STT3B: variants seen among roughly 807,000 people sequenced by gnomAD.
STT3B encodes STT3 oligosaccharyltransferase complex catalytic subunit B, also known as dolichyl-diphosphooligosaccharide--protein glycosyltransferase subunit STT3B.
Under a neutral mutation model 96.8 loss-of-function variants are expected in STT3B, and 29 were observed. The ratio of observed to expected loss-of-function variants is 0.30; its 90% confidence interval spans 0.22 to 0.41. The LOEUF is 0.41. STT3B is among the 10% of genes least tolerant of loss of function. The pLI is 1.00. For synonymous variants in STT3B, 367 were observed against 360.0 expected (o/e 1.02, Z -0.22); for missense variants, 640 against 1,022.3 (o/e 0.63, Z 5.10).
chr3:31,625,139 C>A, intron 12 of STT3B, 54 bp downstream of exon 12: 1 of 1,516,978 alleles, frequency 6.6e-7, no homozygotes, highest in South Asian at 1.2e-5. Flanking sequence ...CCTTAGCAAT[C>A]AGGCTTCACT....
At chr3:31,635,094 CTG>C (rs1249996923) in intron 15 of STT3B, among the ~76,000 whole-genome samples, 1 of 152,154 alleles carries the variant, frequency 6.6e-6, no homozygotes, top group Non-Finnish European at 1.5e-5. Flanking sequence ...TCTGAAACCT[CTG>C]AGAGTTGTAT....
intron 5 of STT3B, among the ~76,000 whole-genome samples, chr3:31,606,663 T>G (rs1243262844): frequency 6.6e-6 from 1 of 152,034 alleles, no homozygotes; most frequent in African/African-American, 2.4e-5. Flanking sequence ...GCTGGAGAGG[T>G]GGGGCCCTCA....
In STT3B at chr3:31,600,462, A is replaced by G. The variant is rs1288625585; in HGVS notation, c.877+3A>G. On this transcript the variant is annotated splice_donor_region_variant and intron_variant, in intron 5 of 15. Transcript: ENST00000295770. ...ATACAGCAAAAGAGTCTACATAGGT[A>G]AGTAATTTGATTTTTGACATCTGTC... is the stretch of plus-strand genomic sequence containing the variant. The G allele has an allele frequency of 7.1e-7, 1 of 1,416,710 alleles. No individual in the cohort carries two copies. Among genetic ancestry groups the G allele is most frequent in the Non-Finnish European group, 9.9e-7 (1 of 1,012,730 alleles). The allele number at this position is 1,416,710 out of a possible 1,614,324, so 87.8% of individuals were successfully genotyped here. A position where few individuals can be genotyped will look rare whatever the true frequency, so the allele number is the denominator to read the frequency against.
chr3:31,629,382 A>T lies in STT3B; in HGVS notation c.2158A>T (p.Met720Leu). 2 of 1,602,218 alleles carry T rather than the reference A, an allele frequency of 1.2e-6. No homozygotes were observed. The highest frequency in any genetic ancestry group is 1.7e-6 in the Non-Finnish European group (2 of 1,171,728). Reference sequence around the variant, plus strand: ...TTTGTTGAATTGCCTTATGTATAAAATGTCATACTACAGATTTGGAGAAAT... The same window carrying T: ...TTTGTTGAATTGCCTTATGTATAAATTGTCATACTACAGATTTGGAGAAAT... ...PTLLNCLMYK[M>L]SYYRFGEMQL... is the part of the protein sequence containing the mutation. The change falls in exon 14 of 16, where the codon ATG becomes TTG. Residue 720 changes from methionine (M) to leucine (L), a missense_variant. Coordinates refer to ENST00000295770, the MANE Select transcript of STT3B (RefSeq NM_178862.3).
chr3:31,533,341 C>T (rs982176276), intron 1 of STT3B, 29 bp downstream of exon 1: 4 of 1,481,488 alleles, frequency 2.7e-6, no homozygotes, highest in Non-Finnish European at 2.7e-6. Flanking sequence ...CTCCCCCGCC[C>T]GTGGCCCGCG....
intron 1 of STT3B, among the ~76,000 whole-genome samples, chr3:31,547,309 A>G (rs534653139): frequency 6.6e-6 from 1 of 152,216 alleles, no homozygotes; most frequent in Non-Finnish European, 1.5e-5. Flanking sequence ...CAAAATTATA[A>G]TAGAAGCCAG....
intron 1 of STT3B, among the ~76,000 whole-genome samples, chr3:31,546,148 G>C (rs1575406690): frequency 6.6e-6 from 1 of 152,260 alleles, no homozygotes; most frequent in East Asian, 1.9e-4. Flanking sequence ...CTGGGAGTGG[G>C]ATTTTGTCAA....
At chr3:31,553,456 A>G (rs1697620701) in intron 1 of STT3B, among the ~76,000 whole-genome samples, 1 of 152,264 alleles carries the variant, frequency 6.6e-6, no homozygotes, top group South Asian at 2.1e-4. Flanking sequence ...AACTGTTGGT[A>G]TATGAATATA....
At chr3:31,591,509 T>A (rs143183479) in intron 3 of STT3B, among the ~76,000 whole-genome samples, 154 of 152,254 alleles carry the variant, frequency 1.0e-3, no homozygotes, top group African/African-American at 3.6e-3. Context: ...TTAATTCCCC[T>A]GATTGTTTAG....
rs1479020326 is a variant in STT3B, at chr3:31,631,461, G to A, written c.2188-1474G>A. 1.3e-5 allele frequency among the ~76,000 whole-genome samples: 2 copies of A among 152,158 alleles called. 1 individual carries two copies. Among genetic ancestry groups the A allele is most frequent in the African/African-American group, 4.8e-5 (2 of 41,440 alleles). Reference sequence around the variant, plus strand: ...CTGCTCACTACTGATCACGTTGAAGGACCTTTTTCTTCCTCTCTTTTAAGT... The same window carrying A: ...CTGCTCACTACTGATCACGTTGAAGAACCTTTTTCTTCCTCTCTTTTAAGT... On this transcript the variant is annotated intron_variant, in intron 14 of 15. Transcript: ENST00000295770.
intron 1 of STT3B, 178 bp downstream of exon 1, chr3:31,533,490 T>C (rs1479363030): frequency 2.6e-6 from 2 of 763,892 alleles, no homozygotes; most frequent in Non-Finnish European, 3.5e-6. Flanking sequence ...GTGGGCGAAG[T>C]TTGCCCCGTG....
intron 1 of STT3B, among the ~76,000 whole-genome samples, chr3:31,567,775 T>C (rs1275916476): frequency 6.6e-6 from 1 of 152,214 alleles, no homozygotes; most frequent in Non-Finnish European, 1.5e-5. Flanking sequence ...GGTACAGGCA[T>C]ACAATGTGTA....
intron 3 of STT3B, among the ~76,000 whole-genome samples, chr3:31,593,482 T>A (rs1400079367): frequency 1.3e-5 from 2 of 152,132 alleles, no homozygotes; most frequent in African/African-American, 4.8e-5. Context: ...TGTAGATTAG[T>A]GCTTACCTTA....
chr3:31,554,719 T>C (rs1697661624), intron 1 of STT3B, among the ~76,000 whole-genome samples: 1 of 152,170 alleles, frequency 6.6e-6, no homozygotes, highest in Non-Finnish European at 1.5e-5. Flanking sequence ...TGCACTCTTT[T>C]CTGGTAAGAG....
At chr3:31,602,640 CTT>C (rs1369369469) in intron 5 of STT3B, among the ~76,000 whole-genome samples, 1 of 148,582 alleles carries the variant, frequency 6.7e-6, no homozygotes, top group East Asian at 2.0e-4. Flanking sequence ...TGAGAAAGGC[CTT>C]TGTATTTGGT....
In STT3B at chr3:31,619,807, A is replaced by ATAT; in HGVS notation, c.1305_1307dup (p.Ile436dup). 6.2e-7 allele frequency: 1 copy of ATAT among 1,611,976 alleles called. No homozygotes were observed. Among genetic ancestry groups the ATAT allele is most frequent in the Non-Finnish European group, 8.5e-7 (1 of 1,179,496 alleles). ...GCAGGCCTTTGGTTCTGCATCAAAA[A>ATAT]TATCAACGATGAAAGAGTATTTGGT... On this transcript the variant is annotated inframe_insertion, in exon 9 of 16. Coordinates refer to ENST00000295770, the MANE Select transcript of STT3B (RefSeq NM_178862.3).
At position 31,604,673 on chromosome 3, in the gene STT3B, A is replaced by C. The variant is rs1699009018; in HGVS notation, c.877+4214A>C. ...GTAATCAATTTAATAGCATATGATC[A>C]AAATGGAAATAGGGAAAAATTTGTG... On this transcript the variant is annotated intron_variant, in intron 5 of 15. Transcript: ENST00000295770. 2.0e-5 allele frequency among the ~76,000 whole-genome samples: 3 copies of C among 152,240 alleles called. No homozygotes were observed. The East Asian group carries it at 5.8e-4, about 29-fold the overall frequency.
At position 31,616,928 on chromosome 3, in the gene STT3B, G is replaced by C. The variant is rs775206503; in HGVS notation, c.977-1G>C. 6.3e-7 allele frequency: 1 copy of C among 1,595,626 alleles called. No individual in the cohort carries two copies. On this transcript the variant is annotated splice_acceptor_variant, in intron 6 of 15. Coordinates refer to ENST00000295770, the MANE Select transcript of STT3B (RefSeq NM_178862.3). LOFTEE classifies it high-confidence loss of function. The stretch of plus-strand genomic sequence containing the variant: ...ATTATGTGACCCTTTTCTTTAATTA[G>C]GTGTCTTTGCATTGCTGCAAGCTTA...
rs144060492 is a variant in STT3B, at chr3:31,568,961, C to T, written c.315-7435C>T. On this transcript the variant is annotated intron_variant, in intron 1 of 15. Transcript: ENST00000295770. ...AGTATTTACTGGATACACCTACCAG[C>T]TCATAAAGTTCTATTTAAGCTGAGT... 1.6e-4 allele frequency among the ~76,000 whole-genome samples: 25 copies of T among 152,254 alleles called. 1 individual carries two copies. The highest frequency in any genetic ancestry group is 5.5e-4 in the African/African-American group (23 of 41,566).
Sources: allele counts gnomAD v4.1 joint callset (sites outside exome capture counted in the v4.1 genomes callset), GRCh38; gene constraint gnomAD v4.1.1; transcripts MANE v1.5; gene names NCBI Gene and HGNC (gene_info 2026-07-23, HGNC 2026-07-21).